GRID2: variants seen among roughly 807,000 people sequenced by gnomAD.
The protein encoded by GRID2 is glutamate ionotropic receptor delta type subunit 2.
Under a neutral mutation model 114.8 loss-of-function variants are expected in GRID2, and 33 were observed. That is an observed-to-expected ratio of 0.29 (90% CI 0.22 to 0.38). GRID2 has a LOEUF of 0.38. Ranked by LOEUF, GRID2 falls within the 10% of genes least tolerant of loss-of-function variation. GRID2 has a pLI of 1.00. For synonymous variants in GRID2, 505 were observed against 449.9 expected (o/e 1.12, Z -1.55); for missense variants, 1,184 against 1,257.7 (o/e 0.94, Z 0.89).
chr4:93,517,984 T>A (rs1729941310), intron 13 of GRID2, among the ~76,000 whole-genome samples: 1 of 17,490 alleles, frequency 5.7e-5, no homozygotes, highest in African/African-American at 3.0e-4. Context: ...TGTACATGTA[T>A]GTATATACAT....
At chr4:92,652,669 T>C (rs1418148248) in intron 2 of GRID2, among the ~76,000 whole-genome samples, 2 of 133,830 alleles carry the variant, frequency 1.5e-5, no homozygotes, top group African/African-American at 5.4e-5. Context: ...TGGAACACTG[T>C]CTTAAAAATA....
intron 2 of GRID2, among the ~76,000 whole-genome samples, chr4:92,953,893 A>AAT (rs1233437673): frequency 6.2e-5 from 6 of 96,310 alleles, no homozygotes; most frequent in Non-Finnish European, 1.2e-4. Flanking sequence ...ATTATTTTAA[A>AAT]ATAGTTTCCA....
At chr4:92,460,055 C>T (rs35514137) in intron 1 of GRID2, among the ~76,000 whole-genome samples, 10,849 of 35,728 alleles carry the variant, frequency 0.3, 1,276 homozygotes, top group African/African-American at 0.45. Flanking sequence ...TATATATATA[C>T]ACACACAACT....
chr4:93,310,059 T>C (rs1309872943), intron 8 of GRID2, among the ~76,000 whole-genome samples: 1 of 152,110 alleles, frequency 6.6e-6, no homozygotes, highest in East Asian at 1.9e-4. Flanking sequence ...AAGGGGGTAA[T>C]GAGAGATTTT....
At chr4:93,591,268 G>T (rs1025297697) in intron 13 of GRID2, among the ~76,000 whole-genome samples, 1 of 151,778 alleles carries the variant, frequency 6.6e-6, no homozygotes, top group African/African-American at 2.4e-5. Flanking sequence ...AGCATGAAAA[G>T]TTGTTGAATT....
intron 14 of GRID2, among the ~76,000 whole-genome samples, chr4:93,750,177 A>G (rs1434981843): frequency 6.6e-6 from 1 of 152,220 alleles, no homozygotes; most frequent in African/African-American, 2.4e-5. Context: ...GGAGCTTGTA[A>G]TCCTTTCAAA....
intron 11 of GRID2, among the ~76,000 whole-genome samples, chr4:93,481,358 C>G (rs72668772): frequency 1.2e-4 from 18 of 152,052 alleles, no homozygotes; most frequent in Admixed American, 1.0e-3. Context: ...CATGAGATAT[C>G]TTATATGGCA....
chr4:93,409,925 G>GTCTC, intron 9 of GRID2, among the ~76,000 whole-genome samples: 1 of 152,242 alleles, frequency 6.6e-6, no homozygotes, highest in Middle Eastern at 3.4e-3. Flanking sequence ...TTTATTACTT[G>GTCTC]TCTCTAGAAG....
intron 13 of GRID2, among the ~76,000 whole-genome samples, chr4:93,612,230 A>C (rs1305519721): frequency 6.7e-6 from 1 of 148,734 alleles, no homozygotes; most frequent in African/African-American, 2.5e-5. Context: ...GGGTTTCCTG[A>C]ATACAGCACA....
chr4:93,200,638 A>G lies in GRID2; in HGVS notation c.736-6766A>G, dbSNP rs919152708. On this transcript the variant is annotated intron_variant, in intron 4 of 15. Coordinates refer to ENST00000282020, the MANE Select transcript of GRID2 (RefSeq NM_001510.4). ...TGTGTCATATAAAATACAGTAAGTC[A>G]TCTTTTGTTTTTGTTTTGTGGAAAT... Among the ~76,000 whole-genome samples the G allele has an allele frequency of 5.1e-4, 77 of 152,330 alleles. 1 individual carries two copies. The highest frequency in any genetic ancestry group is 1.8e-3 in the African/African-American group (74 of 41,570).
At chr4:92,519,838 C>T (rs146408663) in intron 1 of GRID2, among the ~76,000 whole-genome samples, 100 of 151,792 alleles carry the variant, frequency 6.6e-4, no homozygotes, top group African/African-American at 2.2e-3. Context: ...AAACTGATGT[C>T]GAGGCTCAAA....
At chr4:93,455,350 T>A (rs976716390) in intron 10 of GRID2, among the ~76,000 whole-genome samples, 2 of 152,274 alleles carry the variant, frequency 1.3e-5, no homozygotes, top group Non-Finnish European at 2.9e-5. Context: ...ATTGCTTTGA[T>A]AAAATGACCC....
intron 1 of GRID2, among the ~76,000 whole-genome samples, chr4:92,546,209 T>G (rs1336494765): frequency 6.6e-6 from 1 of 152,176 alleles, no homozygotes; most frequent in Non-Finnish European, 1.5e-5. Flanking sequence ...GATTAATATA[T>G]TTATGTGTGT....
intron 1 of GRID2, among the ~76,000 whole-genome samples, chr4:92,354,770 C>A (rs997195379): frequency 1.8e-4 from 27 of 151,898 alleles, no homozygotes; most frequent in Non-Finnish European, 3.7e-4. Flanking sequence ...CCTGTCTAGA[C>A]AGTTAGAATT....
At chr4:92,441,494 T>C (rs1733075210) in intron 1 of GRID2, among the ~76,000 whole-genome samples, 1 of 151,944 alleles carries the variant, frequency 6.6e-6, no homozygotes, top group Non-Finnish European at 1.5e-5. Flanking sequence ...GTATTGAGGA[T>C]AGGAGAGTAT....
chr4:93,522,862 A>G (rs964928364), intron 13 of GRID2, among the ~76,000 whole-genome samples: 9 of 152,196 alleles, frequency 5.9e-5, no homozygotes, highest in African/African-American at 2.2e-4. Flanking sequence ...TTTGGAGAAG[A>G]GGAAGACTTG....
chr4:93,240,797 A>T (rs985105350), intron 8 of GRID2, among the ~76,000 whole-genome samples: 2 of 151,270 alleles, frequency 1.3e-5, no homozygotes, highest in Admixed American at 6.6e-5. Context: ...AAAAAGGTAA[A>T]ATTTTACTCT....
chr4:92,670,748 G>A (rs1405355024), intron 2 of GRID2, among the ~76,000 whole-genome samples: 1 of 152,038 alleles, frequency 6.6e-6, no homozygotes, highest in Non-Finnish European at 1.5e-5. Context: ...CATAATATAA[G>A]CATTCTTTGA....
At position 92,503,064 on chromosome 4, in the gene GRID2, G is replaced by A. The variant is rs77402024; in HGVS notation, c.89-87067G>A. Among the ~76,000 whole-genome samples, 650 of 152,094 alleles carry A rather than the reference G, an allele frequency of 4.3e-3. 2 individuals carry two copies. The highest frequency in any genetic ancestry group is 0.015 in the African/African-American group (631 of 41,506). On this transcript the variant is annotated intron_variant, in intron 1 of 15. Transcript: ENST00000282020. ...CTTATTACAGGTGGTTTTAAAATGA[G>A]TTCCTTGAAATGTGGATACCTTGAT...
Sources: gnomAD v4.1 joint callset for allele counts (sites outside exome capture counted in the v4.1 genomes callset) on GRCh38, gnomAD v4.1.1 for gene constraint, MANE v1.5 for transcripts, NCBI Gene and HGNC (gene_info 2026-07-23, HGNC 2026-07-21) for gene names.